Variants in CFAP20DC observed in about 807,000 individuals in gnomAD.
The protein encoded by CFAP20DC is protein CFAP20DC.
CFAP20DC carries 84 observed loss-of-function variants against 101.7 expected under a neutral mutation model. The ratio of observed to expected loss-of-function variants is 0.83; its 90% CI spans 0.69 to 0.99. The LOEUF (loss-of-function observed/expected upper bound fraction) is 0.99. CFAP20DC is among the 50% of genes least tolerant of loss of function. CFAP20DC has a pLI of 0.00. For missense variants in CFAP20DC, 1,007 were observed against 970.3 expected (o/e 1.04, Z -0.50); for synonymous variants, 359 against 351.2 (o/e 1.02, Z -0.25).
intron 14 of CFAP20DC, among the ~76,000 whole-genome samples, chr3:58,811,528 T>G (rs1575715801): frequency 6.6e-6 from 1 of 152,230 alleles, no homozygotes; most frequent in Non-Finnish European, 1.5e-5. Context: ...CTGGATTCCT[T>G]CCTTATACCT....
intron 15 of CFAP20DC, among the ~76,000 whole-genome samples, chr3:58,786,260 C>G (rs901088353): frequency 5.3e-5 from 8 of 152,098 alleles, no homozygotes; most frequent in African/African-American, 1.7e-4. Context: ...ACTTGAATGC[C>G]TGCTCTATCC....
chr3:58,942,835 T>C (rs1576417918), intron 4 of CFAP20DC, among the ~76,000 whole-genome samples: 1 of 152,198 alleles, frequency 6.6e-6, no homozygotes, highest in South Asian at 2.1e-4. Context: ...TTTGAAATTC[T>C]CACTGAGAAC....
chr3:59,024,667 GC>G (rs2093861630), intron 4 of CFAP20DC, among the ~76,000 whole-genome samples: 1 of 152,134 alleles, frequency 6.6e-6, no homozygotes, highest in Admixed American at 6.5e-5. Flanking sequence ...AGAGACACCA[GC>G]CCTTCCCAAA....
intron 3 of CFAP20DC, among the ~76,000 whole-genome samples, chr3:59,041,225 T>G (rs748787428): frequency 1.4e-4 from 22 of 152,072 alleles, no homozygotes; most frequent in Non-Finnish European, 2.6e-4. Flanking sequence ...TCTCACTGAA[T>G]CAGCACTGTT....
chr3:58,971,850 TACACACGCACACATACACACACACACAC>T lies in CFAP20DC; in HGVS notation c.279-34116_279-34089del, dbSNP rs2091965462. 6.9e-6 allele frequency among the ~76,000 whole-genome samples: 1 copy of T among 144,518 alleles called. No homozygotes were observed. The highest frequency in any genetic ancestry group is 2.7e-5 in the African/African-American group (1 of 36,664). The allele number at this position is 144,518 out of a possible 152,430, so 94.8% of individuals were successfully genotyped here. ...TGTGGGAAAAAGGACTGTAATATCATACACACGCACACATACACACACACACACACACACACACACACAATTAAGCTCT... is the reference window on the plus strand; with the variant it reads ...TGTGGGAAAAAGGACTGTAATATCATACACACACACACACAATTAAGCTCT... On this transcript the variant is annotated intron_variant, in intron 4 of 16. Coordinates refer to ENST00000482387, the MANE Select transcript of CFAP20DC (RefSeq NM_001394063.1). The surrounding 1 kb of genome is among the most constrained non-coding windows in gnomAD (Gnocchi z 4.1).
At chr3:58,842,472 C>T (rs545895992) in intron 13 of CFAP20DC, among the ~76,000 whole-genome samples, 6 of 152,218 alleles carry the variant, frequency 3.9e-5, no homozygotes, top group East Asian at 1.9e-4. Context: ...TAAAAAACGG[C>T]GCACCACGAG....
chr3:58,843,663 T>C (rs1203256878), intron 13 of CFAP20DC, among the ~76,000 whole-genome samples: 1 of 151,110 alleles, frequency 6.6e-6, no homozygotes. Flanking sequence ...ATACAGAGAA[T>C]GCCACAAAGA....
At chr3:58,737,390 G>A (rs2067781996), downstream of CFAP20DC, among the ~76,000 whole-genome samples, 1 of 151,976 alleles carries the variant, frequency 6.6e-6, no homozygotes, top group South Asian at 2.1e-4. The surrounding 1 kb of genome is among the most constrained non-coding windows in gnomAD (Gnocchi z 4.1). Context: ...ACTGAGGATG[G>A]GGGACACATT....
At chr3:58,848,878 A>T (rs1022854711) in intron 13 of CFAP20DC, among the ~76,000 whole-genome samples, 154 bp downstream of exon 13, 2 of 152,152 alleles carry the variant, frequency 1.3e-5, no homozygotes, top group Non-Finnish European at 2.9e-5. Context: ...AACAGCTGCT[A>T]TTACCAAACT....
At chr3:59,028,865 T>C (rs2093938229) in intron 4 of CFAP20DC, among the ~76,000 whole-genome samples, 1 of 152,198 alleles carries the variant, frequency 6.6e-6, no homozygotes, top group Non-Finnish European at 1.5e-5. Context: ...TTAATGCTTA[T>C]GACAGACCTG....
chr3:58,798,778 G>T (rs1351130269), intron 15 of CFAP20DC, among the ~76,000 whole-genome samples: 1 of 152,194 alleles, frequency 6.6e-6, no homozygotes. Flanking sequence ...CAACCAGTCT[G>T]ATCATTCAGC....
At chr3:59,028,273 A>T (rs968734118) in intron 4 of CFAP20DC, among the ~76,000 whole-genome samples, 3 of 152,224 alleles carry the variant, frequency 2.0e-5, no homozygotes, top group East Asian at 1.9e-4. Flanking sequence ...GTTTTCATTT[A>T]AAAAAGTCTA....
chr3:58,797,953 AG>A (rs1159012084), intron 15 of CFAP20DC, among the ~76,000 whole-genome samples: 2 of 152,180 alleles, frequency 1.3e-5, no homozygotes, highest in African/African-American at 4.8e-5. Flanking sequence ...CCTACTACTG[AG>A]ATCTACTGCT....
intron 14 of CFAP20DC, among the ~76,000 whole-genome samples, chr3:58,817,166 T>C (rs1288259971): frequency 6.6e-6 from 1 of 151,374 alleles, no homozygotes; most frequent in Non-Finnish European, 1.5e-5. Flanking sequence ...AGACCAAAAG[T>C]AGATAAAACC....
intron 16 of CFAP20DC, among the ~76,000 whole-genome samples, chr3:58,752,837 T>C (rs770698704): frequency 1.3e-5 from 2 of 152,040 alleles, no homozygotes; most frequent in Non-Finnish European, 2.9e-5. Context: ...CTGGGGCAGT[T>C]AGGAAAAAAA....
chr3:58,948,571 A>T lies in CFAP20DC; in HGVS notation c.279-10809T>A, dbSNP rs1289250161. ...ATTCCAGTTTTGTCACTTGGTAGTAATGTTCTAATTGAGTTTAAAAGGGTT... is the reference window on the plus strand; with the variant it reads ...ATTCCAGTTTTGTCACTTGGTAGTATTGTTCTAATTGAGTTTAAAAGGGTT... On this transcript the variant is annotated intron_variant, in intron 4 of 16. Coordinates refer to ENST00000482387, the MANE Select transcript of CFAP20DC (RefSeq NM_001394063.1). Among the ~76,000 whole-genome samples the T allele has an allele frequency of 2.0e-5, 3 of 152,138 alleles. No homozygotes were observed. In the East Asian group the frequency reaches 5.8e-4, roughly 29 times the overall value.
intron 2 of CFAP20DC, 42 bp downstream of exon 2, chr3:59,047,123 T>A (rs887892206): frequency 4.6e-6 from 6 of 1,292,950 alleles, no homozygotes; most frequent in Admixed American, 2.0e-5. Flanking sequence ...TTCACTCACA[T>A]TTCTTCCCCT....
intron 10 of CFAP20DC, among the ~76,000 whole-genome samples, chr3:58,866,982 A>AT (rs989184763): frequency 1.3e-5 from 2 of 152,154 alleles, no homozygotes; most frequent in African/African-American, 4.8e-5. Context: ...AGGATCTTAT[A>AT]TTTTTTCCCT....
At chr3:58,989,052 T>A (rs1035288775) in intron 4 of CFAP20DC, among the ~76,000 whole-genome samples, 1 of 152,152 alleles carries the variant, frequency 6.6e-6, no homozygotes, top group Non-Finnish European at 1.5e-5. Flanking sequence ...AAATTAATGA[T>A]AAACTGGCAG....
Sources: gnomAD v4.1 joint callset for allele counts (sites outside exome capture counted in the v4.1 genomes callset) on GRCh38, gnomAD v4.1.1 for gene constraint, Gnocchi (gnomAD v3.1) non-coding constraint, MANE v1.5 for transcripts, NCBI Gene and HGNC (gene_info 2026-07-23, HGNC 2026-07-21) for gene names.